Variants in NDUFB3 observed in about 807,000 individuals in gnomAD.
NDUFB3 encodes the protein NADH:ubiquinone oxidoreductase subunit B3.
Under a neutral mutation model 9.0 loss-of-function variants are expected in NDUFB3, and 7 were observed. The observed-to-expected ratio is 0.78, with a 90% CI of 0.44 to 1.46. The LOEUF is 1.46. Ranked by LOEUF, NDUFB3 falls within the 40% of genes most tolerant of loss-of-function variation. The probability of loss-of-function intolerance (pLI) is 0.01; values close to 1 mark genes in which losing one functional copy is unlikely to be tolerated. For missense variants in NDUFB3, 93 were observed against 115.4 expected, an observed-to-expected ratio of 0.81 and a Z score of 0.89; for synonymous variants, 29 against 38.5, an observed-to-expected ratio of 0.75 and a Z score of 0.91.
At chr2:201,081,271 G>T (rs796826407) in intron 2 of NDUFB3, among the ~76,000 whole-genome samples, 3 of 151,752 alleles carry the variant, frequency 2.0e-5, no homozygotes, top group African/African-American at 4.8e-5. Context: ...ATCACTTAAG[G>T]TCAGGTGTTC....
chr2:201,076,509 AT>A (rs1559148074), intron 1 of NDUFB3, among the ~76,000 whole-genome samples: 35 of 145,978 alleles, frequency 2.4e-4, no homozygotes, highest in Admixed American at 6.1e-4. Context: ...ATATATATAT[AT>A]ATAATTAAAT....
chr2:201,078,194 C>T (rs1203867175), intron 1 of NDUFB3, among the ~76,000 whole-genome samples: 2 of 152,098 alleles, frequency 1.3e-5, no homozygotes, highest in South Asian at 2.1e-4. Flanking sequence ...CCCAGCTACT[C>T]GCCAGGCTGA....
At chr2:201,076,032 C>T (rs1276137779) in intron 1 of NDUFB3, among the ~76,000 whole-genome samples, 1 of 152,150 alleles carries the variant, frequency 6.6e-6, no homozygotes, top group Non-Finnish European at 1.5e-5. Context: ...TAATGGTCTT[C>T]GTTTGTAATA....
At chr2:201,083,270 G>A (rs1198919378) in intron 2 of NDUFB3, among the ~76,000 whole-genome samples, 4 of 151,814 alleles carry the variant, frequency 2.6e-5, no homozygotes, top group Non-Finnish European at 4.4e-5. Flanking sequence ...GTTTCTTACA[G>A]TGATCTCCTA....
chr2:201,078,832 A>T, intron 1 of NDUFB3, 49 bp from the exon 2 acceptor site: 9 of 1,540,392 alleles, frequency 5.8e-6, no homozygotes, highest in Non-Finnish European at 7.9e-6. Context: ...TGGGTATTTG[A>T]TATCTACAAT....
At chr2:201,083,229 A>G (rs2047249603) in intron 2 of NDUFB3, among the ~76,000 whole-genome samples, 1 of 152,184 alleles carries the variant, frequency 6.6e-6, no homozygotes, top group Admixed American at 6.6e-5. Context: ...AACTGGGAGA[A>G]AACATTTGGT....
intron 1 of NDUFB3, among the ~76,000 whole-genome samples, chr2:201,073,380 A>G (rs1339190155): frequency 6.6e-6 from 1 of 152,196 alleles, no homozygotes; most frequent in East Asian, 1.9e-4. Context: ...CTACAGTGTG[A>G]CTATACCATA....
intron 2 of NDUFB3, among the ~76,000 whole-genome samples, chr2:201,079,391 C>A (rs1031918577): frequency 1.3e-5 from 2 of 152,076 alleles, no homozygotes; most frequent in Non-Finnish European, 2.9e-5. Flanking sequence ...GATCCACCTG[C>A]CTCAGCCTCC....
Position 201,078,899 on chromosome 2 carries a change from G to A in NDUFB3, c.17G>A (p.Gly6Glu). Residue 6 changes from glycine to glutamate, a missense_variant, in exon 2 of 3, where the codon GGA becomes GAA. Physicochemically the swap from Gly to Glu is moderately conservative, Grantham distance 98. Coordinates refer to ENST00000237889, the MANE Select transcript of NDUFB3 (RefSeq NM_002491.3). MAHEH[G>E]HEHGHHKMEL... ...CTTACAGACATGGCCCATGAACATGGACATGAGCATGGACATCATAAAATG... is the reference window on the plus strand; with the variant it reads ...CTTACAGACATGGCCCATGAACATGAACATGAGCATGGACATCATAAAATG... 1 of 1,610,894 alleles carries A rather than the reference G, an allele frequency of 6.2e-7. No individual in the cohort carries two copies. The highest frequency in any genetic ancestry group is 1.1e-5 in the South Asian group (1 of 90,552).
chr2:201,082,236 G>C (rs979067952), intron 2 of NDUFB3, among the ~76,000 whole-genome samples: 2 of 151,942 alleles, frequency 1.3e-5, no homozygotes, highest in African/African-American at 2.4e-5. Context: ...TTACAGGTTT[G>C]AGCCATCAGG....
intron 2 of NDUFB3, among the ~76,000 whole-genome samples, chr2:201,083,014 C>T (rs1000996284): frequency 6.6e-6 from 1 of 152,144 alleles, no homozygotes; most frequent in African/African-American, 2.4e-5. Context: ...CGCCCGGCCG[C>T]TAAATTCACT....
chr2:201,084,501 G>A (rs1045671592), intron 2 of NDUFB3, among the ~76,000 whole-genome samples: 6 of 151,986 alleles, frequency 3.9e-5, no homozygotes, highest in Admixed American at 3.3e-4. Context: ...AGCGGGCATG[G>A]TGGTGTGTGC....
intron 2 of NDUFB3, among the ~76,000 whole-genome samples, chr2:201,083,958 C>A (rs1021404214): frequency 1.1e-4 from 16 of 151,622 alleles, no homozygotes; most frequent in African/African-American, 2.9e-4. Context: ...AAGTTTGAGA[C>A]CAGCCTGGCC....
Position 201,085,738 on chromosome 2 carries a change from A to G in NDUFB3, c.*123A>G, listed in dbSNP as rs1370928775. 2.8e-6 allele frequency: 2 copies of G among 726,616 alleles called. No homozygotes were observed. The highest frequency in any genetic ancestry group is 1.8e-5 in the African/African-American group (1 of 55,798). The allele number at this position is 726,616 out of a possible 1,614,324, so 45.0% of individuals were successfully genotyped here. On this transcript the variant is annotated 3_prime_UTR_variant, in exon 3 of 3. Transcript: ENST00000237889. ...AGTAAGATTTAATCAATTAAAATATATATATATGCCAATCTGCTTTTGTCA... is the reference window on the plus strand; with the variant it reads ...AGTAAGATTTAATCAATTAAAATATGTATATATGCCAATCTGCTTTTGTCA...
chr2:201,083,830 A>AT (rs1260559633), intron 2 of NDUFB3, among the ~76,000 whole-genome samples: 1 of 152,088 alleles, frequency 6.6e-6, no homozygotes, highest in African/African-American at 2.4e-5. Context: ...CCATTTTTAT[A>AT]TGCTGTCGGA....
chr2:201,082,533 G>A (rs943978287), intron 2 of NDUFB3, among the ~76,000 whole-genome samples: 1 of 151,934 alleles, frequency 6.6e-6, no homozygotes, highest in Non-Finnish European at 1.5e-5. Flanking sequence ...TCAGAGTGCT[G>A]GAATTACAGA....
chr2:201,083,223 G>C (rs2047249556), intron 2 of NDUFB3, among the ~76,000 whole-genome samples: 1 of 152,038 alleles, frequency 6.6e-6, no homozygotes. Flanking sequence ...ATTCCCAACT[G>C]GGAGAAAACA....
intron 1 of NDUFB3, 137 bp from the exon 2 acceptor site, chr2:201,078,744 A>T: frequency 1.2e-6 from 1 of 812,840 alleles, no homozygotes; most frequent in Non-Finnish European, 1.9e-6. Flanking sequence ...AAAATCCTTT[A>T]ACTGGAATTT....
At chr2:201,075,954 T>G (rs2047158906) in intron 1 of NDUFB3, among the ~76,000 whole-genome samples, 1 of 152,206 alleles carries the variant, frequency 6.6e-6, no homozygotes, top group African/African-American at 2.4e-5. Flanking sequence ...GAAGCCTTAT[T>G]TTAAAAAAGA....
Sources: gnomAD v4.1 joint callset for allele counts (sites outside exome capture counted in the v4.1 genomes callset) on GRCh38, gnomAD v4.1.1 for gene constraint, MANE v1.5 for transcripts, NCBI Gene and HGNC (gene_info 2026-07-23, HGNC 2026-07-21) for gene names.